CACNA2D3: variants seen among roughly 807,000 people sequenced by gnomAD.
The protein encoded by CACNA2D3 is calcium voltage-gated channel auxiliary subunit alpha2delta 3.
CACNA2D3 carries 60 observed loss-of-function variants against 160.6 expected under a neutral mutation model. The observed-to-expected ratio is 0.37, with a 90% CI of 0.30 to 0.46. The LOEUF (loss-of-function observed/expected upper bound fraction) is 0.46. Ranked by LOEUF, CACNA2D3 falls within the 20% of genes least tolerant of loss-of-function variation. The pLI is 1.00. For synonymous variants in CACNA2D3, 558 were observed against 492.9 expected (o/e 1.13, Z -1.75); for missense variants, 1,205 against 1,365.0 (o/e 0.88, Z 1.85).
intron 21 of CACNA2D3, among the ~76,000 whole-genome samples, chr3:54,881,264 AG>A (rs1699789731): frequency 6.6e-6 from 1 of 152,196 alleles, no homozygotes; most frequent in Admixed American, 6.5e-5. Context: ...ACTCATGCCC[AG>A]GGGAAACCAT....
chr3:54,964,865 G>A (rs4955914), intron 27 of CACNA2D3, among the ~76,000 whole-genome samples: 90,163 of 151,082 alleles, frequency 0.6, 27,450 homozygotes, highest in East Asian at 0.73. Context: ...TCATTTTCAC[G>A]CTCAAGAAAT....
chr3:54,490,578 A>T (rs1266172302), intron 4 of CACNA2D3, among the ~76,000 whole-genome samples: 3 of 152,238 alleles, frequency 2.0e-5, no homozygotes, highest in Non-Finnish European at 2.9e-5. Flanking sequence ...CTGTTCAGTC[A>T]TCTTCACACC....
At chr3:54,418,226 C>T (rs1174475599) in intron 4 of CACNA2D3, among the ~76,000 whole-genome samples, 1 of 152,182 alleles carries the variant, frequency 6.6e-6, no homozygotes, top group Non-Finnish European at 1.5e-5. Context: ...CCAGATTAAG[C>T]CTTTGCTTTG....
intron 17 of CACNA2D3, among the ~76,000 whole-genome samples, chr3:54,863,496 T>C (rs536637898): frequency 3.0e-4 from 46 of 152,262 alleles, no homozygotes; most frequent in African/African-American, 1.1e-3. Flanking sequence ...ACTATTTTGA[T>C]TTTTATGTCT....
chr3:54,692,466 A>G (rs1177840499), intron 11 of CACNA2D3, among the ~76,000 whole-genome samples: 1 of 152,210 alleles, frequency 6.6e-6, no homozygotes, highest in African/African-American at 2.4e-5. Flanking sequence ...ATGAACTTGT[A>G]TGCCAGACTC....
In CACNA2D3 at chr3:54,763,770, TATATATGTAC is replaced by T. The variant is rs1433269716; in HGVS notation, c.1247-441_1247-432del. On this transcript the variant is annotated intron_variant, in intron 12 of 37. Transcript: ENST00000474759. ...GTGCATATATATACACATATATATG[TATATATGTAC>T]ATATATATGTATATATATGTACATA... 7.3e-3 allele frequency among the ~76,000 whole-genome samples: 19 copies of T among 2,608 alleles called. 1 individual carries two copies. The highest frequency in any genetic ancestry group is 0.077 in the East Asian group (2 of 26). 1.7% of individuals were successfully genotyped at this position (2,608 alleles called of 152,430 possible). A position where few individuals can be genotyped will look rare whatever the true frequency, so the allele number is the denominator to read the frequency against.
At chr3:55,026,193 G>A (rs1246198984) in intron 35 of CACNA2D3, among the ~76,000 whole-genome samples, 2 of 152,172 alleles carry the variant, frequency 1.3e-5, no homozygotes, top group East Asian at 1.9e-4. Flanking sequence ...GGTTTTGCCT[G>A]TTTCTTATTG....
At chr3:54,132,280 C>T (rs1353283250) in intron 2 of CACNA2D3, among the ~76,000 whole-genome samples, 5 of 152,172 alleles carry the variant, frequency 3.3e-5, no homozygotes, top group South Asian at 2.1e-4. Flanking sequence ...TTTTATAATA[C>T]GAAATTCGCA....
chr3:54,438,658 A>G (rs189744353), intron 4 of CACNA2D3, among the ~76,000 whole-genome samples: 45 of 152,292 alleles, frequency 3.0e-4, no homozygotes, highest in Admixed American at 9.2e-4. Flanking sequence ...CAAAGGGAGT[A>G]TTGTATTTAT....
intron 2 of CACNA2D3, among the ~76,000 whole-genome samples, chr3:54,157,835 CA>C (rs5849032): frequency 0.064 from 8,543 of 133,624 alleles, 262 homozygotes; most frequent in African/African-American, 0.11. Flanking sequence ...CCCAACCAAA[CA>C]AAAAAAAAAA....
At chr3:54,706,743 G>C (rs574373781) in intron 11 of CACNA2D3, among the ~76,000 whole-genome samples, 1 of 152,338 alleles carries the variant, frequency 6.6e-6, no homozygotes, top group South Asian at 2.1e-4. Flanking sequence ...GCAGTGGGAG[G>C]CTGCGTGATA....
chr3:54,879,459 T>C, intron 20 of CACNA2D3, 48 bp downstream of exon 20: 2 of 1,370,992 alleles, frequency 1.5e-6, no homozygotes, highest in Non-Finnish European at 2.0e-6. Flanking sequence ...CCATCAGTTG[T>C]GTTTGTACAA....
chr3:54,750,777 T>TC (rs1701841409), intron 11 of CACNA2D3, among the ~76,000 whole-genome samples: 1 of 146,854 alleles, frequency 6.8e-6, no homozygotes, highest in African/African-American at 2.5e-5. Context: ...GATCTTTGCT[T>TC]TTTTTTTTTT....
At chr3:54,404,880 A>T (rs553878458) in intron 4 of CACNA2D3, among the ~76,000 whole-genome samples, 2 of 152,038 alleles carry the variant, frequency 1.3e-5, no homozygotes, top group Admixed American at 1.3e-4. Context: ...CATCAAAAAT[A>T]AAACAAGATG....
At chr3:54,129,917 G>T (rs1022687375) in intron 2 of CACNA2D3, among the ~76,000 whole-genome samples, 2 of 152,184 alleles carry the variant, frequency 1.3e-5, no homozygotes, top group Non-Finnish European at 2.9e-5. Context: ...GACTGTTCTT[G>T]TCCTCTTGGA....
At chr3:54,520,512 C>G (rs901810202) in intron 5 of CACNA2D3, among the ~76,000 whole-genome samples, 13 of 152,222 alleles carry the variant, frequency 8.5e-5, no homozygotes, top group African/African-American at 2.9e-4. Context: ...TGGGGAGCCT[C>G]TGGACACCAG....
chr3:54,559,780 T>C (rs1702297237), intron 5 of CACNA2D3, among the ~76,000 whole-genome samples: 1 of 152,196 alleles, frequency 6.6e-6, no homozygotes, highest in Non-Finnish European at 1.5e-5. Context: ...TGTGTGTTGT[T>C]CTCCTCTATG....
chr3:55,008,787 A>G (rs536389427), intron 33 of CACNA2D3, among the ~76,000 whole-genome samples: 1 of 152,014 alleles, frequency 6.6e-6, no homozygotes, highest in African/African-American at 2.4e-5. Context: ...GATAATTTAT[A>G]TTATTTTTGT....
chr3:54,568,486 G>C (rs1702444369), intron 6 of CACNA2D3, among the ~76,000 whole-genome samples: 1 of 152,182 alleles, frequency 6.6e-6, no homozygotes, highest in Non-Finnish European at 1.5e-5. Flanking sequence ...CCAGTTATTT[G>C]TGGAATTATA....
Sources: gnomAD v4.1 joint callset for allele counts (sites outside exome capture counted in the v4.1 genomes callset) on GRCh38, gnomAD v4.1.1 for gene constraint, MANE v1.5 for transcripts, NCBI Gene and HGNC (gene_info 2026-07-23, HGNC 2026-07-21) for gene names.